The following FREM1 variants were observed in gnomAD, a reference collection of about 807,000 sequenced individuals.
FREM1 encodes FRAS1 related extracellular matrix 1.
FREM1 carries 220 observed loss-of-function variants against 210.1 expected under a neutral mutation model. The ratio of observed to expected loss-of-function variants is 1.05; its 90% CI spans 0.94 to 1.17. The LOEUF is 1.17. Ranked by LOEUF, FREM1 falls within the 50% of genes most tolerant of loss-of-function variation. The pLI, the probability that FREM1 is intolerant of heterozygous loss-of-function variation, is 0.00. For missense variants in FREM1, 3,454 were observed against 2,675.5 expected, an observed-to-expected ratio of 1.29 and a Z score of -6.42; for synonymous variants, 1,189 against 980.2, an observed-to-expected ratio of 1.21 and a Z score of -3.98.
intron 28 of FREM1, among the ~76,000 whole-genome samples, chr9:14,758,657 T>C (rs1844858026): frequency 7.1e-6 from 1 of 141,228 alleles, no homozygotes; most frequent in Non-Finnish European, 1.6e-5. Flanking sequence ...AATACCAGTG[T>C]CTTTTTCATC....
chr9:14,797,661 A>AG lies in FREM1; in HGVS notation c.3695-20_3695-19insC, dbSNP rs1852690399. The AG allele has an allele frequency of 6.2e-7, 1 of 1,600,188 alleles. No homozygotes were observed. The highest frequency in any genetic ancestry group is 8.5e-7 in the Non-Finnish European group (1 of 1,171,552). ...CTCATTCCTGGAAGAAGGAAAAAAA[A>AG]TAAGTAAATCTTCCTTATGATTGAA... On this transcript the variant is annotated intron_variant, in intron 20 of 36. Transcript: ENST00000380880.
chr9:14,767,813 T>C (rs1846717359), intron 27 of FREM1, among the ~76,000 whole-genome samples: 1 of 152,108 alleles, frequency 6.6e-6, no homozygotes. Context: ...GCCTAATATA[T>C]GTCAGAACCA....
At chr9:14,791,276 C>T (rs1323198497) in intron 22 of FREM1, 2 of 152,156 alleles carry the variant, frequency 1.3e-5, no homozygotes, top group African/African-American at 2.4e-5. Context: ...GAAACAAGGA[C>T]ATTTTATCAA....
intron 27 of FREM1, 43 bp downstream of exon 27, chr9:14,769,681 T>A: frequency 6.3e-7 from 1 of 1,588,816 alleles, no homozygotes; most frequent in South Asian, 1.2e-5. Flanking sequence ...AGATACATTA[T>A]GGATGTAACA....
At chr9:14,897,349 G>A (rs1416635900) in intron 1 of FREM1, among the ~76,000 whole-genome samples, 2 of 152,100 alleles carry the variant, frequency 1.3e-5, no homozygotes, top group African/African-American at 4.8e-5. Context: ...AAGACAGCTT[G>A]GGGAGCCCAG....
chr9:14,867,515 T>C (rs1384560976), intron 2 of FREM1, among the ~76,000 whole-genome samples: 3 of 152,268 alleles, frequency 2.0e-5, no homozygotes, highest in Non-Finnish European at 2.9e-5. Context: ...ACATCAGAAA[T>C]ACCTGCAAAG....
chr9:14,799,182 A>C (rs984788590), intron 20 of FREM1, among the ~76,000 whole-genome samples: 6 of 151,836 alleles, frequency 4.0e-5, no homozygotes, highest in African/African-American at 7.3e-5. Flanking sequence ...GCTAGTTGGG[A>C]GGCTGAGGTC....
At chr9:14,769,647 G>T (rs1587840746) in intron 27 of FREM1, 77 bp downstream of exon 27, 2 of 1,424,252 alleles carry the variant, frequency 1.4e-6, no homozygotes, top group East Asian at 2.5e-5. Context: ...GTTTTAAAAA[G>T]AACATTTCAC....
chr9:14,795,403 C>G (rs1466085294), intron 21 of FREM1, among the ~76,000 whole-genome samples: 1 of 152,108 alleles, frequency 6.6e-6, no homozygotes, highest in Non-Finnish European at 1.5e-5. Context: ...AATCCATATC[C>G]CTTTGTCTTG....
intron 1 of FREM1, among the ~76,000 whole-genome samples, chr9:14,907,084 G>C (rs1359336429): frequency 6.6e-6 from 1 of 152,170 alleles, no homozygotes; most frequent in Non-Finnish European, 1.5e-5. Context: ...TTTGGCTTCT[G>C]TAAAAACTTA....
intron 17 of FREM1, among the ~76,000 whole-genome samples, chr9:14,807,372 T>C (rs2133428163): frequency 6.6e-6 from 1 of 152,312 alleles, no homozygotes; most frequent in South Asian, 2.1e-4. Flanking sequence ...TAATGCTTTC[T>C]TTCCAGAACA....
intron 1 of FREM1, among the ~76,000 whole-genome samples, chr9:14,873,440 T>A (rs1405619093): frequency 6.6e-6 from 1 of 152,246 alleles, no homozygotes; most frequent in African/African-American, 2.4e-5. Flanking sequence ...CTTCGATATT[T>A]TCTAGTTTAT....
intron 23 of FREM1, 140 bp downstream of exon 23, chr9:14,788,779 C>T (rs1018999042): frequency 4.1e-6 from 3 of 729,340 alleles, no homozygotes; most frequent in Non-Finnish European, 6.7e-6. Flanking sequence ...GATCTAAACA[C>T]AAATGATAGA....
chr9:14,901,460 A>G (rs1838769331), intron 1 of FREM1, among the ~76,000 whole-genome samples: 1 of 152,198 alleles, frequency 6.6e-6, no homozygotes, highest in Non-Finnish European at 1.5e-5. Context: ...TGTTCGTTTC[A>G]GCCCATATTA....
chr9:14,805,096 G>A lies in FREM1; in HGVS notation c.3331C>T (p.His1111Tyr), dbSNP rs200339767. Residue 1111 changes from histidine to tyrosine, a missense_variant, in exon 19 of 37, where the codon CAT becomes TAT. His to Tyr is a moderately conservative substitution (Grantham distance 83, BLOSUM62 2). Transcript: ENST00000380880. The part of the protein sequence containing the change: ...AFHINYVQSR[H>Y]LRIEPTADQF... ...TCGGCAGTTGGTTCTATCCTCAGAT[G>A]CCTGGACTGCACATAGTTAATGTGA... 1.2e-3 allele frequency: 1,925 copies of A among 1,612,190 alleles called. 7 individuals carry two copies. The highest frequency in any genetic ancestry group is 5.3e-3 in the Middle Eastern group (32 of 6,058).
intron 1 of FREM1, among the ~76,000 whole-genome samples, chr9:14,890,257 C>T (rs985108253): frequency 6.6e-6 from 1 of 152,228 alleles, no homozygotes; most frequent in Non-Finnish European, 1.5e-5. Context: ...CATACCTTTG[C>T]CTACAACACA....
intron 28 of FREM1, among the ~76,000 whole-genome samples, chr9:14,759,079 A>G (rs1175641543): frequency 2.6e-5 from 4 of 152,244 alleles, no homozygotes; most frequent in Non-Finnish European, 5.9e-5. Context: ...AATGTCTTGC[A>G]TACAACATCT....
chr9:14,808,673 G>A (rs1425139602), intron 16 of FREM1, among the ~76,000 whole-genome samples: 1 of 152,150 alleles, frequency 6.6e-6, no homozygotes, highest in Non-Finnish European at 1.5e-5. Context: ...TTATATATTA[G>A]CCAGGATGTT....
chr9:14,862,274 A>G (rs867872688), intron 3 of FREM1, among the ~76,000 whole-genome samples: 46 of 152,352 alleles, frequency 3.0e-4, no homozygotes, highest in Middle Eastern at 6.8e-3. Context: ...AGGTGGTCAT[A>G]AATGTTTGTA....
Sources: gnomAD v4.1 joint callset for allele counts (sites outside exome capture counted in the v4.1 genomes callset) on GRCh38, gnomAD v4.1.1 for gene constraint, MANE v1.5 for transcripts, NCBI Gene and HGNC (gene_info 2026-07-23, HGNC 2026-07-21) for gene names.